The following DLGAP2 variants were observed in gnomAD, a reference collection of about 807,000 sequenced individuals.
The protein encoded by DLGAP2 is disks large-associated protein 2.
A neutral mutation model predicts 100.3 loss-of-function variants in DLGAP2; 26 were observed. That is an observed-to-expected ratio of 0.26 (90% CI 0.19 to 0.36). The LOEUF is 0.36. Ranked by LOEUF, DLGAP2 falls within the 10% of genes least tolerant of loss-of-function variation. DLGAP2 has a pLI of 1.00. For missense variants in DLGAP2, 1,858 were observed against 1,453.2 expected, an observed-to-expected ratio of 1.28 and a Z score of -4.53; for synonymous variants, 886 against 630.1, an observed-to-expected ratio of 1.41 and a Z score of -6.08.
chr8:949,185 A>C (rs1392344691), intron 2 of DLGAP2, among the ~76,000 whole-genome samples: 1 of 152,212 alleles, frequency 6.6e-6, no homozygotes, highest in African/African-American at 2.4e-5. Flanking sequence ...TGGTTCCTGG[A>C]GTAGATGGGA....
chr8:1,122,580 T>G (rs1796073807), intron 2 of DLGAP2, among the ~76,000 whole-genome samples: 1 of 152,238 alleles, frequency 6.6e-6, no homozygotes, highest in Non-Finnish European at 1.5e-5. Context: ...TGGTGATTTA[T>G]GTACATTTTT....
At chr8:883,075 T>C (rs1451999574) in intron 1 of DLGAP2, 1 of 152,424 alleles carries the variant, frequency 6.6e-6, no homozygotes, top group Non-Finnish European at 1.5e-5. Flanking sequence ...GGTCAGATGA[T>C]TTCCTGAGCA....
intron 2 of DLGAP2, among the ~76,000 whole-genome samples, chr8:1,184,840 C>T (rs559554523): frequency 1.1e-4 from 17 of 152,284 alleles, no homozygotes; most frequent in African/African-American, 3.8e-4. Context: ...CACGCCTTGG[C>T]CTTATAATCT....
At chr8:1,071,758 T>C (rs1009060870) in intron 2 of DLGAP2, among the ~76,000 whole-genome samples, 1 of 152,232 alleles carries the variant, frequency 6.6e-6, no homozygotes, top group African/African-American at 2.4e-5. Flanking sequence ...TATGTGTGTG[T>C]ATAGATAAAT....
At chr8:962,656 C>T (rs1001835774) in intron 2 of DLGAP2, among the ~76,000 whole-genome samples, 2 of 152,136 alleles carry the variant, frequency 1.3e-5, no homozygotes, top group South Asian at 2.1e-4. Flanking sequence ...GGAGAGGCTC[C>T]GCTTGGTATT....
intron 3 of DLGAP2, among the ~76,000 whole-genome samples, chr8:1,459,439 T>C (rs889214763): frequency 1.3e-5 from 2 of 152,234 alleles, no homozygotes; most frequent in African/African-American, 4.8e-5. Context: ...TTATCCATAA[T>C]TAATATTGCA....
At chr8:980,568 G>A (rs1800302351) in intron 2 of DLGAP2, among the ~76,000 whole-genome samples, 1 of 152,174 alleles carries the variant, frequency 6.6e-6, no homozygotes, top group South Asian at 2.1e-4. Flanking sequence ...TTCGCTCAAG[G>A]TTGTGAAACA....
chr8:1,292,294 A>G (rs550242470), intron 3 of DLGAP2, among the ~76,000 whole-genome samples: 1 of 152,306 alleles, frequency 6.6e-6, no homozygotes, highest in Non-Finnish European at 1.5e-5. Flanking sequence ...GGAATGTGGA[A>G]GGACAGGAGG....
chr8:1,577,499 C>T (rs952928173), intron 6 of DLGAP2, among the ~76,000 whole-genome samples: 4 of 140,646 alleles, frequency 2.8e-5, no homozygotes, highest in South Asian at 2.2e-4. Flanking sequence ...ACCCGGGAGG[C>T]GGAGGTTGCA....
intron 4 of DLGAP2, among the ~76,000 whole-genome samples, chr8:1,540,522 C>A (rs1563209488): frequency 1.3e-5 from 2 of 152,170 alleles, no homozygotes; most frequent in South Asian, 2.1e-4. Flanking sequence ...AATTCTATGA[C>A]CTCATGAGAA....
Position 977,857 on chromosome 8 carries a change from G to C in DLGAP2, c.73+69891G>C, listed in dbSNP as rs1326985072. On this transcript the variant is annotated intron_variant, in intron 2 of 14. Transcript: ENST00000637795. ...GGCGTCGGGGATGCAGTGAGGGGCTGCGTTCTGGTCTTTGGTGTTGTGGGG... is the reference window on the plus strand; with the variant it reads ...GGCGTCGGGGATGCAGTGAGGGGCTCCGTTCTGGTCTTTGGTGTTGTGGGG... Among the ~76,000 whole-genome samples, 18 of 40,252 alleles carry C rather than the reference G, an allele frequency of 4.5e-4. 1 individual carries two copies. The highest frequency in any genetic ancestry group is 1.3e-3 in the African/African-American group (18 of 14,268). The allele number at this position is 40,252 out of a possible 152,430, so 26.4% of individuals were successfully genotyped here. A position where few individuals can be genotyped will look rare whatever the true frequency, so the allele number is the denominator to read the frequency against.
At chr8:1,054,060 T>C (rs1345867878) in intron 2 of DLGAP2, among the ~76,000 whole-genome samples, 3 of 152,188 alleles carry the variant, frequency 2.0e-5, no homozygotes, top group Non-Finnish European at 4.4e-5. Flanking sequence ...TGCTGGGTGC[T>C]GTTCATCATC....
intron 2 of DLGAP2, among the ~76,000 whole-genome samples, chr8:1,118,664 G>C (rs574392149): frequency 6.6e-6 from 1 of 152,144 alleles, no homozygotes; most frequent in African/African-American, 2.4e-5. Flanking sequence ...TTTTGTCAGT[G>C]CTTAGAGCAA....
At chr8:1,036,371 G>A (rs34342001) in intron 2 of DLGAP2, among the ~76,000 whole-genome samples, 6 of 150,354 alleles carry the variant, frequency 4.0e-5, no homozygotes, top group South Asian at 4.2e-4. Context: ...AAGACCCCCC[G>A]ACGTGTGGTG....
intron 2 of DLGAP2, among the ~76,000 whole-genome samples, chr8:1,049,220 G>T (rs1420603392): frequency 6.6e-6 from 1 of 152,198 alleles, no homozygotes; most frequent in Non-Finnish European, 1.5e-5. Context: ...GGGAAAATGT[G>T]TAATGAAATG....
chr8:1,095,417 A>C (rs935803574), intron 2 of DLGAP2, among the ~76,000 whole-genome samples: 2 of 152,100 alleles, frequency 1.3e-5, no homozygotes, highest in African/African-American at 4.8e-5. Context: ...TCTTGTTGGG[A>C]TCCTCCATCA....
At chr8:1,015,263 C>T (rs1234275386) in intron 2 of DLGAP2, among the ~76,000 whole-genome samples, 11 of 4,396 alleles carry the variant, frequency 2.5e-3, no homozygotes, top group African/African-American at 4.6e-3. Context: ...GGACAGACGA[C>T]GCCTCCACTG....
rs1797906445 is a variant in DLGAP2, at chr8:1,641,783, G to A, written c.1810+8737G>A. On this transcript the variant is annotated intron_variant, in intron 8 of 14. Coordinates refer to ENST00000637795, the MANE Select transcript of DLGAP2 (RefSeq NM_001346810.2). ...TGGCTGAAATAAATAATTGATGCTT[G>A]CATAAGTCAGTAGGTGAATAAATTA... Among the ~76,000 whole-genome samples, 5 of 152,244 alleles carry A rather than the reference G, an allele frequency of 3.3e-5. No homozygotes were observed. In the South Asian group the frequency reaches 8.3e-4, roughly 25 times the overall value.
intron 2 of DLGAP2, among the ~76,000 whole-genome samples, chr8:983,005 C>G (rs1800382471): frequency 6.6e-6 from 1 of 151,450 alleles, no homozygotes; most frequent in Non-Finnish European, 1.5e-5. Context: ...CTATATAGAG[C>G]CTCCCTTTAG....
Sources: allele counts gnomAD v4.1 joint callset (sites outside exome capture counted in the v4.1 genomes callset), GRCh38; gene constraint gnomAD v4.1.1; transcripts MANE v1.5; gene names NCBI Gene and HGNC (gene_info 2026-07-23, HGNC 2026-07-21).